The following COX7B2 variants were observed in gnomAD, a reference collection of about 807,000 sequenced individuals.
COX7B2 encodes cytochrome c oxidase subunit 7B2.
For missense variants in COX7B2, 109 were observed against 95.9 expected, an observed-to-expected ratio of 1.14 and a Z score of -0.57; for synonymous variants, 37 against 32.1, an observed-to-expected ratio of 1.15 and a Z score of -0.51.
rs577414551 is a variant in COX7B2, at chr4:46,767,908, T to C, written c.-49-32667A>G. Among the ~76,000 whole-genome samples the C allele has an allele frequency of 3.3e-5, 5 of 152,338 alleles. No homozygotes were observed. In the South Asian group the frequency reaches 1.0e-3, roughly 32 times the overall value. On this transcript the variant is annotated intron_variant, in intron 2 of 2. Coordinates refer to ENST00000355591, the MANE Select transcript of COX7B2 (RefSeq NM_130902.3). ...ACCCTTGAAGGTGTGGCTCCCTTAG[T>C]CTGCAGTGCTCAAATCCCTTATGGG...
Position 46,771,817 on chromosome 4 carries a change from T to C in COX7B2, c.-49-36576A>G, listed in dbSNP as rs116111660. ...AACCTCTGATCCCAAGTATTTCAGA[T>C]AAGGAATACTAAAGCCGTACATACT... On this transcript the variant is annotated intron_variant, in intron 2 of 2. Coordinates refer to ENST00000355591, the MANE Select transcript of COX7B2 (RefSeq NM_130902.3). 4.1e-4 allele frequency among the ~76,000 whole-genome samples: 63 copies of C among 152,236 alleles called. 2 individuals are homozygous for C. The highest frequency in any genetic ancestry group is 1.4e-3 in the African/African-American group (59 of 41,560).
At chr4:46,778,387 G>A (rs1717271299) in intron 2 of COX7B2, among the ~76,000 whole-genome samples, 1 of 151,896 alleles carries the variant, frequency 6.6e-6, no homozygotes, top group Non-Finnish European at 1.5e-5. Context: ...AGCAAACCAG[G>A]TTATCATCTG....
At chr4:46,813,125 A>C (rs981412252) in intron 2 of COX7B2, among the ~76,000 whole-genome samples, 2 of 152,190 alleles carry the variant, frequency 1.3e-5, no homozygotes, top group African/African-American at 4.8e-5. Flanking sequence ...GGGATAAAAG[A>C]ATAGCTTTGT....
rs148752442 is a variant in COX7B2, at chr4:46,846,074, A to G, written c.-104-1060T>C. On this transcript the variant is annotated intron_variant, in intron 1 of 2. Transcript: ENST00000355591. ...GTGCCAACTGAAGATGCTAAACAAG[A>G]AATGGCAAGTTTCAAACGTTTTGAA... Among the ~76,000 whole-genome samples the G allele has an allele frequency of 1.1e-3, 171 of 152,172 alleles. 1 individual carries two copies. Among genetic ancestry groups the G allele is most frequent in the Non-Finnish European group, 2.0e-3 (134 of 67,950 alleles).
chr4:46,832,071 T>A (rs1208876774), intron 2 of COX7B2, among the ~76,000 whole-genome samples: 2 of 152,180 alleles, frequency 1.3e-5, no homozygotes, highest in East Asian at 3.9e-4. Context: ...TGGGGCCAGA[T>A]AAGAGAATAA....
intron 2 of COX7B2, among the ~76,000 whole-genome samples, chr4:46,804,980 G>T (rs561145257): frequency 1.1e-3 from 162 of 152,284 alleles, no homozygotes; most frequent in African/African-American, 3.7e-3. Context: ...GAGCCCTGCC[G>T]CATGGGAGGC....
At chr4:46,831,434 G>A (rs1242397881) in intron 2 of COX7B2, among the ~76,000 whole-genome samples, 1 of 152,200 alleles carries the variant, frequency 6.6e-6, no homozygotes, top group African/African-American at 2.4e-5. Flanking sequence ...AGGAGTGCGG[G>A]CGCATGGCAC....
At chr4:46,784,448 A>C (rs988522596) in intron 2 of COX7B2, among the ~76,000 whole-genome samples, 2 of 152,108 alleles carry the variant, frequency 1.3e-5, no homozygotes, top group African/African-American at 4.8e-5. Context: ...AACATGGTGA[A>C]ATTCCGTCTC....
At chr4:46,828,049 A>G (rs1431935643) in intron 2 of COX7B2, among the ~76,000 whole-genome samples, 1 of 152,156 alleles carries the variant, frequency 6.6e-6, no homozygotes, top group African/African-American at 2.4e-5. Context: ...AAAGCTCATC[A>G]AACTGTACCC....
chr4:46,898,136 ATTTT>A (rs774331546), intron 1 of COX7B2, among the ~76,000 whole-genome samples: 19 of 152,070 alleles, frequency 1.2e-4, no homozygotes, highest in Non-Finnish European at 7.4e-5. Flanking sequence ...GTCTAAAGGG[ATTTT>A]TCTCCTGGAT....
chr4:46,785,810 C>G (rs536991929), intron 2 of COX7B2, among the ~76,000 whole-genome samples: 1 of 152,182 alleles, frequency 6.6e-6, no homozygotes, highest in South Asian at 2.1e-4. Flanking sequence ...TGTTACTATA[C>G]AGCAACCCTG....
At chr4:46,760,049 A>G (rs1716054978) in intron 2 of COX7B2, among the ~76,000 whole-genome samples, 1 of 152,060 alleles carries the variant, frequency 6.6e-6, no homozygotes, top group Admixed American at 6.6e-5. Flanking sequence ...CAGCCCTGGG[A>G]CCAGGAGAAC....
chr4:46,894,490 CAAGATGAATT>C (rs1188412679), intron 1 of COX7B2, among the ~76,000 whole-genome samples: 1 of 152,070 alleles, frequency 6.6e-6, no homozygotes, highest in Non-Finnish European at 1.5e-5. Context: ...AAAATCAACT[CAAGATGAATT>C]AAAGATTAAA....
chr4:46,863,682 T>C (rs1467830107), intron 1 of COX7B2, among the ~76,000 whole-genome samples: 1 of 152,232 alleles, frequency 6.6e-6, no homozygotes, highest in African/African-American at 2.4e-5. Context: ...AATACGATAA[T>C]GCTCCAGCTT....
Position 46,754,317 on chromosome 4 carries a change from T to A in COX7B2, c.-49-19076A>T, listed in dbSNP as rs1715608812. Among the ~76,000 whole-genome samples, 3 of 151,366 alleles carry A rather than the reference T, an allele frequency of 2.0e-5. No homozygotes were observed. The South Asian group carries it at 6.3e-4, about 32-fold the overall frequency. On this transcript the variant is annotated intron_variant, in intron 2 of 2. Transcript: ENST00000355591. ...AGCAAAGACTTGGAACCAACCCAAA[T>A]GTCCAACAATGATAGACTGGATTAA...
rs925358590 is a variant in COX7B2 at position 46,863,288 on chromosome 4, A to G, written c.-104-18274T>C. 5.3e-5 allele frequency among the ~76,000 whole-genome samples: 8 copies of G among 152,174 alleles called. No individual in the cohort carries two copies. The East Asian group carries it at 1.3e-3, about 26-fold the overall frequency. On this transcript the variant is annotated intron_variant, in intron 1 of 2. Transcript: ENST00000355591. Reference sequence around the variant, plus strand: ...CAAAAAGACTAATTTTATACAAGACAGGGTCTTGTATGCTGAATTCTTGTC... The same window carrying G: ...CAAAAAGACTAATTTTATACAAGACGGGGTCTTGTATGCTGAATTCTTGTC...
chr4:46,832,232 G>A (rs572583213), intron 2 of COX7B2, among the ~76,000 whole-genome samples: 101 of 152,226 alleles, frequency 6.6e-4, no homozygotes, highest in African/African-American at 2.2e-3. Flanking sequence ...CACTGCGAAG[G>A]TCTGCAGCTT....
chr4:46,822,380 T>TA (rs201730248), intron 2 of COX7B2, among the ~76,000 whole-genome samples: 20,268 of 146,972 alleles, frequency 0.14, 1,939 homozygotes, highest in Admixed American at 0.3. Flanking sequence ...CTTGAGGAGA[T>TA]AAAAAAAAAA....
chr4:46,794,802 G>A (rs1255871530), intron 2 of COX7B2, among the ~76,000 whole-genome samples: 1 of 152,098 alleles, frequency 6.6e-6, no homozygotes, highest in Non-Finnish European at 1.5e-5. Flanking sequence ...GGTGCTCCTA[G>A]AAGTAAAAAA....
Sources: gnomAD v4.1 joint callset for allele counts (sites outside exome capture counted in the v4.1 genomes callset) on GRCh38, gnomAD v4.1.1 for gene constraint, MANE v1.5 for transcripts, NCBI Gene and HGNC (gene_info 2026-07-23, HGNC 2026-07-21) for gene names.